Variants in NYAP2 observed in about 807,000 individuals in gnomAD.
NYAP2 encodes the protein neuronal tyrosine-phosphorylated phosphoinositide-3-kinase adapter 2.
NYAP2 carries 23 observed loss-of-function variants against 50.4 expected under a neutral mutation model. The observed-to-expected ratio is 0.46, with a 90% CI of 0.33 to 0.65. The LOEUF is 0.65. NYAP2 is among the 30% of genes least tolerant of loss of function. The pLI, the probability that NYAP2 is intolerant of heterozygous loss-of-function variation, is 0.02. For missense variants in NYAP2, 885 were observed against 861.0 expected (o/e 1.03, Z -0.35); for synonymous variants, 394 against 365.2 (o/e 1.08, Z -0.90).
At chr2:225,687,670 T>C in the NYAP2 span, among the ~76,000 whole-genome samples, 1 of 152,214 alleles carries the variant, frequency 6.6e-6, no homozygotes, top group Non-Finnish European at 1.5e-5. Context: ...TAAATATGCA[T>C]AGAGATACAT....
intron 3 of NYAP2, among the ~76,000 whole-genome samples, chr2:225,449,743 G>A (rs956316856): frequency 1.7e-4 from 25 of 151,368 alleles, no homozygotes; most frequent in African/African-American, 6.1e-4. Flanking sequence ...CAAGTAGCTG[G>A]GATTATAGGT....
At chr2:225,477,479 G>A (rs925531783) in intron 3 of NYAP2, among the ~76,000 whole-genome samples, 9 of 151,808 alleles carry the variant, frequency 5.9e-5, no homozygotes, top group South Asian at 2.1e-4. Flanking sequence ...CTCGTGATCC[G>A]CCTGCCTCGG....
intron 5 of NYAP2, among the ~76,000 whole-genome samples, chr2:225,617,818 G>T (rs549018536): frequency 8.5e-5 from 13 of 152,310 alleles, no homozygotes; most frequent in African/African-American, 2.6e-4. Context: ...ACATTGGAGA[G>T]GTGGGTATGA....
At chr2:225,500,470 ACT>A (rs1690586328) in intron 3 of NYAP2, among the ~76,000 whole-genome samples, 2 of 152,150 alleles carry the variant, frequency 1.3e-5, no homozygotes, top group South Asian at 2.1e-4. Context: ...CATCTTCATG[ACT>A]CTGTTTTAAA....
At chr2:225,621,334 G>T (rs1463981192) in intron 5 of NYAP2, among the ~76,000 whole-genome samples, 1 of 152,158 alleles carries the variant, frequency 6.6e-6, no homozygotes, top group Admixed American at 6.5e-5. Context: ...TTTAATTATT[G>T]TGCGGGAATA....
At chr2:225,520,201 A>C (rs1234630383) in intron 4 of NYAP2, among the ~76,000 whole-genome samples, 2 of 151,868 alleles carry the variant, frequency 1.3e-5, no homozygotes, top group Non-Finnish European at 2.9e-5. Context: ...GGTTGCAAAA[A>C]TTTTCTCCCA....
chr2:225,601,108 T>C (rs545581970), intron 5 of NYAP2, among the ~76,000 whole-genome samples: 1 of 149,790 alleles, frequency 6.7e-6, no homozygotes, highest in African/African-American at 2.5e-5. Flanking sequence ...ATGTGGGTAG[T>C]AATTCTGTGT....
intron 5 of NYAP2, among the ~76,000 whole-genome samples, chr2:225,615,845 GA>G (rs1264942424): frequency 2.6e-5 from 4 of 152,280 alleles, no homozygotes; most frequent in South Asian, 4.1e-4. Context: ...AGTTTCTAAG[GA>G]AAAGAGAGCA....
chr2:225,485,977 A>G (rs777589665), intron 3 of NYAP2, among the ~76,000 whole-genome samples: 4 of 152,148 alleles, frequency 2.6e-5, no homozygotes, highest in African/African-American at 9.7e-5. Flanking sequence ...AACTATCTCT[A>G]GATATTGCCA....
chr2:225,535,964 C>T (rs780720904), intron 4 of NYAP2, among the ~76,000 whole-genome samples: 11 of 152,140 alleles, frequency 7.2e-5, no homozygotes, highest in Admixed American at 2.6e-4. Context: ...TATAAACACT[C>T]ATTAAATGTT....
intron 3 of NYAP2, among the ~76,000 whole-genome samples, chr2:225,477,498 A>G (rs1009787078): frequency 6.6e-6 from 1 of 151,848 alleles, no homozygotes; most frequent in African/African-American, 2.4e-5. Context: ...GGCCTCCCAA[A>G]GTGCTGGGAT....
intron 4 of NYAP2, among the ~76,000 whole-genome samples, chr2:225,576,931 G>A (rs1302402699): frequency 3.3e-5 from 5 of 152,100 alleles, no homozygotes; most frequent in Admixed American, 6.6e-5. Flanking sequence ...TTTCTAGGAA[G>A]GGACAAGGCT....
chr2:225,565,653 T>C lies in NYAP2; in HGVS notation c.524-16288T>C, dbSNP rs112408962. 1.9e-3 allele frequency among the ~76,000 whole-genome samples: 289 copies of C among 152,342 alleles called. 2 individuals carry two copies. The highest frequency in any genetic ancestry group is 0.01 in the Middle Eastern group (3 of 294). On this transcript the variant is annotated intron_variant, in intron 4 of 6. Coordinates refer to ENST00000636099, the Ensembl canonical transcript of NYAP2. ...GTATAGCAATAATAATTGATAATGA[T>C]ACTTGATTCTACATTTTAAGCCCTT...
the NYAP2 span, among the ~76,000 whole-genome samples, chr2:225,676,914 T>G: frequency 6.4e-4 from 98 of 152,206 alleles, no homozygotes; most frequent in Middle Eastern, 3.2e-3. Context: ...CAAATGAATT[T>G]TAGAATAGAT....
intron 3 of NYAP2, among the ~76,000 whole-genome samples, chr2:225,430,744 G>A (rs565507687): frequency 6.6e-6 from 1 of 151,904 alleles, no homozygotes; most frequent in African/African-American, 2.4e-5. Flanking sequence ...CAAAAACAAA[G>A]AAAAATACAG....
intron 4 of NYAP2, among the ~76,000 whole-genome samples, chr2:225,537,481 A>G (rs1691372268): frequency 6.6e-6 from 1 of 152,176 alleles, no homozygotes; most frequent in Non-Finnish European, 1.5e-5. Context: ...GTGGCAGATA[A>G]GACAAGAGAG....
chr2:225,426,620 CCT>C (rs1695292166), intron 3 of NYAP2, among the ~76,000 whole-genome samples: 1 of 152,140 alleles, frequency 6.6e-6, no homozygotes, highest in South Asian at 2.1e-4. Flanking sequence ...TGAGAAAATA[CCT>C]CTCTTGAAAT....
chr2:225,497,600 G>T (rs970957965), intron 3 of NYAP2, among the ~76,000 whole-genome samples: 2 of 152,274 alleles, frequency 1.3e-5, no homozygotes, highest in East Asian at 1.9e-4. Context: ...CCTGACCTGG[G>T]TTTATATGTG....
intron 3 of NYAP2, among the ~76,000 whole-genome samples, chr2:225,410,612 C>A (rs775412152): frequency 4.7e-4 from 71 of 151,966 alleles, no homozygotes; most frequent in Non-Finnish European, 8.4e-4. Flanking sequence ...ATAATAAATC[C>A]TTTTCTATAA....
Sources: gnomAD v4.1 joint callset for allele counts (sites outside exome capture counted in the v4.1 genomes callset) on GRCh38, gnomAD v4.1.1 for gene constraint, MANE v1.5 for transcripts, NCBI Gene and HGNC (gene_info 2026-07-23, HGNC 2026-07-21) for gene names.